The following SLC39A11 variants were observed in gnomAD, a reference collection of about 807,000 sequenced individuals.
The protein encoded by SLC39A11 is zinc transporter ZIP11.
Under a neutral mutation model 36.1 loss-of-function variants are expected in SLC39A11, and 33 were observed. The ratio of observed to expected loss-of-function variants is 0.91; its 90% confidence interval spans 0.69 to 1.22. SLC39A11 has a LOEUF of 1.22. SLC39A11 is among the 50% of genes most tolerant of loss of function. SLC39A11 has a pLI of 0.00. For synonymous variants in SLC39A11, 166 were observed against 170.3 expected, an observed-to-expected ratio of 0.97 and a Z score of 0.20; for missense variants, 432 against 430.3, an observed-to-expected ratio of 1.00 and a Z score of -0.03.
At chr17:72,870,773 C>G (rs1598204561) in intron 5 of SLC39A11, among the ~76,000 whole-genome samples, 1 of 152,334 alleles carries the variant, frequency 6.6e-6, no homozygotes, top group East Asian at 1.9e-4. Flanking sequence ...GCTAATGAGC[C>G]TATGTTATCC....
intron 4 of SLC39A11, among the ~76,000 whole-genome samples, chr17:73,000,227 C>G (rs933700627): frequency 6.7e-6 from 1 of 150,338 alleles, no homozygotes; most frequent in Admixed American, 6.6e-5. Flanking sequence ...TTCTCCCCTC[C>G]CCCATTCCCC....
intron 7 of SLC39A11, among the ~76,000 whole-genome samples, chr17:72,709,391 C>T (rs766082622): frequency 1.3e-5 from 2 of 152,198 alleles, no homozygotes; most frequent in South Asian, 2.1e-4. Flanking sequence ...TGTCCCCATG[C>T]CTGGCTTGAG....
chr17:72,740,867 C>G (rs551436194), intron 6 of SLC39A11, among the ~76,000 whole-genome samples: 375 of 152,252 alleles, frequency 2.5e-3, no homozygotes, highest in African/African-American at 8.3e-3. Flanking sequence ...CTCCGCCTCC[C>G]AGGTTCAAGC....
At chr17:73,088,353 G>A (rs2060807903) in intron 2 of SLC39A11, among the ~76,000 whole-genome samples, 1 of 151,918 alleles carries the variant, frequency 6.6e-6, no homozygotes, top group South Asian at 2.1e-4. Flanking sequence ...AAATTAGGCA[G>A]CGGGCTAACG....
intron 6 of SLC39A11, among the ~76,000 whole-genome samples, chr17:72,742,078 C>T (rs2144123436): frequency 6.6e-6 from 1 of 152,172 alleles, no homozygotes; most frequent in East Asian, 1.9e-4. Context: ...TGGCTCACAT[C>T]TTTAATCCCA....
At chr17:73,040,778 A>G (rs1203215664) in intron 3 of SLC39A11, among the ~76,000 whole-genome samples, 1 of 152,138 alleles carries the variant, frequency 6.6e-6, no homozygotes, top group Non-Finnish European at 1.5e-5. Context: ...TGAGGTCAAG[A>G]GTTTGAGACC....
At chr17:73,019,487 C>T (rs908106959) in intron 4 of SLC39A11, among the ~76,000 whole-genome samples, 1 of 152,030 alleles carries the variant, frequency 6.6e-6, no homozygotes, top group African/African-American at 2.4e-5. Context: ...AGTGTTAATT[C>T]GAGGTAGACT....
chr17:72,678,866 T>A (rs1322260122), intron 7 of SLC39A11, among the ~76,000 whole-genome samples: 3 of 151,706 alleles, frequency 2.0e-5, no homozygotes, highest in African/African-American at 7.3e-5. Flanking sequence ...AGACAGGGAG[T>A]CAACCTGTGT....
intron 6 of SLC39A11, among the ~76,000 whole-genome samples, chr17:72,817,614 T>C (rs919550225): frequency 8.5e-5 from 13 of 152,156 alleles, no homozygotes; most frequent in African/African-American, 3.1e-4. Flanking sequence ...TATGACAACA[T>C]CACTAACTCC....
chr17:72,954,382 C>A (rs2086096073), intron 4 of SLC39A11, among the ~76,000 whole-genome samples: 1 of 152,240 alleles, frequency 6.6e-6, no homozygotes, highest in African/African-American at 2.4e-5. Flanking sequence ...TTGGTGCCCC[C>A]TGCCAGCTAC....
intron 5 of SLC39A11, among the ~76,000 whole-genome samples, chr17:72,878,344 C>T (rs1237369771): frequency 6.6e-6 from 1 of 152,126 alleles, no homozygotes; most frequent in Non-Finnish European, 1.5e-5. Flanking sequence ...TTGGGGATTT[C>T]CAGAAAAAGA....
At chr17:73,003,048 G>C (rs970865866) in intron 4 of SLC39A11, among the ~76,000 whole-genome samples, 2 of 152,146 alleles carry the variant, frequency 1.3e-5, no homozygotes, top group African/African-American at 4.8e-5. Flanking sequence ...TTTCATATAA[G>C]GTAACATCCA....
In SLC39A11 at chr17:72,764,189, G is replaced by A. The variant is rs77664721; in HGVS notation, c.602-27470C>T. ...TCTTCCCGGGCCTCACTCAGTATCT[G>A]GCTCAGGAAGTTCCCTGTGGCGGAG... On this transcript the variant is annotated intron_variant, in intron 6 of 9. Transcript: ENST00000255559. Among the ~76,000 whole-genome samples the A allele has an allele frequency of 8.2e-3, 1,253 of 152,124 alleles. 19 individuals carry two copies. The highest frequency in any genetic ancestry group is 0.029 in the African/African-American group (1,208 of 41,492).
intron 3 of SLC39A11, among the ~76,000 whole-genome samples, chr17:73,075,662 G>C (rs1398225439): frequency 6.6e-6 from 1 of 152,156 alleles, no homozygotes; most frequent in African/African-American, 2.4e-5. Context: ...AGACCAGCCT[G>C]GCCAACATGG....
intron 6 of SLC39A11, among the ~76,000 whole-genome samples, chr17:72,819,983 T>C (rs1422168387): frequency 6.6e-6 from 1 of 150,982 alleles, no homozygotes; most frequent in African/African-American, 2.4e-5. Flanking sequence ...CTCTACACAT[T>C]CTTAAGGGGA....
chr17:73,007,205 G>A (rs370280859), intron 4 of SLC39A11, among the ~76,000 whole-genome samples: 122 of 152,176 alleles, frequency 8.0e-4, no homozygotes, highest in African/African-American at 2.8e-3. Flanking sequence ...AGTGGATCAC[G>A]AGGTCAGAAG....
intron 7 of SLC39A11, among the ~76,000 whole-genome samples, chr17:72,707,290 G>A (rs2072931614): frequency 1.3e-5 from 2 of 151,924 alleles, no homozygotes; most frequent in Admixed American, 1.3e-4. Flanking sequence ...TGTAATCCCA[G>A]CTACTTTGGA....
At chr17:72,942,608 G>A (rs2085185427) in intron 5 of SLC39A11, among the ~76,000 whole-genome samples, 1 of 152,140 alleles carries the variant, frequency 6.6e-6, no homozygotes, top group Admixed American at 6.5e-5. Context: ...ATGTCCTTCA[G>A]GAAGACATGG....
intron 5 of SLC39A11, among the ~76,000 whole-genome samples, chr17:72,868,799 C>A (rs768290559): frequency 2.0e-5 from 3 of 151,810 alleles, no homozygotes; most frequent in Non-Finnish European, 2.9e-5. Flanking sequence ...CAGAATGAAA[C>A]CCTGTCTCAA....
Sources: gnomAD v4.1 joint callset for allele counts (sites outside exome capture counted in the v4.1 genomes callset) on GRCh38, gnomAD v4.1.1 for gene constraint, MANE v1.5 for transcripts, NCBI Gene and HGNC (gene_info 2026-07-23, HGNC 2026-07-21) for gene names.